SPAG17: variants seen among roughly 807,000 people sequenced by gnomAD.
SPAG17 encodes sperm associated antigen 17, also known as sperm-associated antigen 17.
A neutral mutation model predicts 273.6 loss-of-function variants in SPAG17; 169 were observed. The ratio of observed to expected loss-of-function variants is 0.62; its 90% CI spans 0.55 to 0.70. The LOEUF is 0.70. Ranked by LOEUF, SPAG17 falls within the 30% of genes least tolerant of loss-of-function variation. SPAG17 has a pLI of 0.00. For synonymous variants in SPAG17, 825 were observed against 873.2 expected (o/e 0.94, Z 0.97); for missense variants, 2,557 against 2,627.8 (o/e 0.97, Z 0.59).
chr1:118,146,787 G>C (rs1659017881), intron 3 of SPAG17, among the ~76,000 whole-genome samples: 1 of 152,194 alleles, frequency 6.6e-6, no homozygotes. Flanking sequence ...CTAGTGAGCA[G>C]ACTTCCTACC....
chr1:117,991,056 ATTCT>A (rs1313279626), intron 37 of SPAG17, 150 bp from the exon 38 acceptor site: 24 of 461,432 alleles, frequency 5.2e-5, no homozygotes, highest in Non-Finnish European at 7.3e-5. Context: ...TTTCTAGGTC[ATTCT>A]TTCTACTTCA....
rs759556155 is a variant in SPAG17 at position 118,086,777 on chromosome 1, T to G, written c.1505A>C (p.His502Pro). 6.2e-7 allele frequency: 1 copy of G among 1,614,044 alleles called. No individual in the cohort carries two copies. The highest frequency in any genetic ancestry group is 1.7e-5 in the Admixed American group (1 of 59,994). Reference sequence around the variant, plus strand: ...TTCTTCTTCAGATAAAAATATGTCATGAAGATTCTATGCAAATTGAAACAA... The same window carrying G: ...TTCTTCTTCAGATAAAAATATGTCAGGAAGATTCTATGCAAATTGAAACAA... The part of the protein sequence containing the change: ...CLSEREKKNL[H>P]DIFLSEEENE... The change falls in exon 12 of 49, where the codon CAT becomes CCT. Residue 502 changes from histidine (H) to proline (P), a missense_variant. By Grantham distance (77) the His-to-Pro change is moderately conservative. Coordinates refer to ENST00000336338, the MANE Select transcript of SPAG17 (RefSeq NM_206996.4).
chr1:118,182,313 T>C (rs933227917), intron 1 of SPAG17, among the ~76,000 whole-genome samples: 3 of 152,082 alleles, frequency 2.0e-5, no homozygotes, highest in Admixed American at 6.6e-5. Context: ...GGAATTAATA[T>C]TGTTTAAATA....
intron 3 of SPAG17, among the ~76,000 whole-genome samples, chr1:118,119,234 T>C (rs964772784): frequency 3.3e-5 from 5 of 152,192 alleles, no homozygotes; most frequent in African/African-American, 1.2e-4. Flanking sequence ...TGATTTCCCT[T>C]GTGTGTTGAC....
At chr1:117,985,162 G>GC (rs1437343954) in intron 40 of SPAG17, among the ~76,000 whole-genome samples, 3 of 152,142 alleles carry the variant, frequency 2.0e-5, no homozygotes, top group African/African-American at 7.2e-5. Context: ...AATTTCTGTA[G>GC]CAGTAGTAAC....
chr1:118,015,879 A>C (rs1445622571), intron 29 of SPAG17, 86 bp downstream of exon 29: 2 of 1,166,506 alleles, frequency 1.7e-6, no homozygotes, highest in African/African-American at 3.0e-5. Context: ...TATTGAAAAA[A>C]TATTATCAGC....
chr1:118,054,152 C>A, intron 19 of SPAG17, 59 bp from the exon 20 acceptor site: 1 of 1,123,816 alleles, frequency 8.9e-7, no homozygotes. Context: ...CATAGAAGGC[C>A]CAAATCTCTG....
At chr1:118,011,343 T>G (rs1659444374) in intron 30 of SPAG17, among the ~76,000 whole-genome samples, 1 of 152,146 alleles carries the variant, frequency 6.6e-6, no homozygotes, top group Non-Finnish European at 1.5e-5. Flanking sequence ...AGTGGTAGAC[T>G]GGAGTAAGCA....
intron 4 of SPAG17, among the ~76,000 whole-genome samples, chr1:118,107,206 A>G (rs189181116): frequency 1.3e-5 from 2 of 152,104 alleles, no homozygotes; most frequent in Admixed American, 1.3e-4. Context: ...TTTTATTTCC[A>G]TGATACTCTT....
chr1:118,147,574 G>C (rs1659087020), intron 3 of SPAG17, among the ~76,000 whole-genome samples: 1 of 152,202 alleles, frequency 6.6e-6, no homozygotes, highest in South Asian at 2.1e-4. Flanking sequence ...ATGAGCTGCA[G>C]CTACGTCTCT....
rs1661121830 is a variant in SPAG17, at chr1:118,185,011, G to A, written c.87+60C>T. On this transcript the variant is annotated intron_variant, in intron 1 of 48. Transcript: ENST00000336338. The stretch of plus-strand genomic sequence containing the variant: ...GAGCCTTAAGGCGTCGCCTAGGAGG[G>A]TCTGGCCGGGCCTCTGGCATTGCCG... 6 of 1,444,080 alleles carry A rather than the reference G, an allele frequency of 4.2e-6. No individual in the cohort carries two copies. In the Admixed American group the frequency reaches 6.7e-5, roughly 16 times the overall value. 89.5% of individuals were successfully genotyped at this position (1,444,080 alleles called of 1,614,324 possible). A position where few individuals can be genotyped will look rare whatever the true frequency, so the allele number is the denominator to read the frequency against.
chr1:118,150,837 A>G (rs1401698714), intron 2 of SPAG17, among the ~76,000 whole-genome samples: 1 of 152,172 alleles, frequency 6.6e-6, no homozygotes, highest in African/African-American at 2.4e-5. Context: ...TCTTTTCTAT[A>G]TTATTGCTGT....
intron 2 of SPAG17, among the ~76,000 whole-genome samples, chr1:118,150,835 A>G (rs1412973515): frequency 6.6e-6 from 1 of 152,170 alleles, no homozygotes; most frequent in Non-Finnish European, 1.5e-5. Context: ...GATCTTTTCT[A>G]TATTATTGCT....
chr1:118,152,914 A>C (rs1006301886), intron 1 of SPAG17, among the ~76,000 whole-genome samples: 1 of 152,206 alleles, frequency 6.6e-6, no homozygotes, highest in Non-Finnish European at 1.5e-5. Flanking sequence ...TTCATTTCAC[A>C]ATAAAGTACA....
At chr1:117,993,572 T>C (rs1657332453) in intron 35 of SPAG17, among the ~76,000 whole-genome samples, 1 of 152,206 alleles carries the variant, frequency 6.6e-6, no homozygotes, top group Non-Finnish European at 1.5e-5. Flanking sequence ...CCATGTTGAC[T>C]ATAGTCACCA....
At chr1:118,125,858 T>C (rs1192550681) in intron 3 of SPAG17, among the ~76,000 whole-genome samples, 3 of 152,180 alleles carry the variant, frequency 2.0e-5, no homozygotes, top group South Asian at 2.1e-4. Context: ...TTCTTTAATA[T>C]ACTGGTTTCT....
At chr1:117,983,767 G>T in intron 42 of SPAG17, 44 bp downstream of exon 42, 2 of 1,366,978 alleles carry the variant, frequency 1.5e-6, no homozygotes, top group Non-Finnish European at 2.1e-6. Context: ...GTATTATTCA[G>T]TTACGGACAT....
rs752029425 is a variant in SPAG17, at chr1:118,028,379, G to A, written c.3625C>T (p.Pro1209Ser). The change falls in exon 26 of 49, where the codon CCA becomes TCA. Residue 1209 changes from proline (P) to serine (S), a missense_variant. Coordinates refer to ENST00000336338, the MANE Select transcript of SPAG17 (RefSeq NM_206996.4). ...EEEKKEEEVE[P>S]EPVLQETLDV... ...AAAGTCTCTTGTAAAACAGGTTCTG[G>A]TTCTACTTCTTCTTCCTGTAAATAA... is the stretch of plus-strand genomic sequence containing the variant. The A allele has an allele frequency of 6.2e-7, 1 of 1,613,664 alleles. No homozygotes were observed. The highest frequency in any genetic ancestry group is 1.1e-5 in the South Asian group (1 of 90,998).
rs954436618 is a variant in SPAG17, at chr1:118,012,549, AT to A, written c.4288-178del. Among the ~76,000 whole-genome samples the A allele has an allele frequency of 5.0e-4, 76 of 152,316 alleles. 2 individuals are homozygous for A. Among genetic ancestry groups the A allele is most frequent in the Admixed American group, 4.7e-3 (72 of 15,282 alleles). ...CATAACAATCTTGGCAGGTACCCTC[AT>A]TTTATAGATGAGGAAATGTAGGCTT... On this transcript the variant is annotated intron_variant, in intron 29 of 48. Coordinates refer to ENST00000336338, the MANE Select transcript of SPAG17 (RefSeq NM_206996.4).
Sources: gnomAD v4.1 joint callset for allele counts (sites outside exome capture counted in the v4.1 genomes callset) on GRCh38, gnomAD v4.1.1 for gene constraint, MANE v1.5 for transcripts, NCBI Gene and HGNC (gene_info 2026-07-23, HGNC 2026-07-21) for gene names.